The following KIAA1217 variants were observed in gnomAD, a reference collection of about 807,000 sequenced individuals.
KIAA1217 encodes sickle tail protein homolog.
KIAA1217 carries 88 observed loss-of-function variants against 163.9 expected under a neutral mutation model. The ratio of observed to expected loss-of-function variants is 0.54; its 90% confidence interval spans 0.45 to 0.64. The LOEUF (loss-of-function observed/expected upper bound fraction) is 0.64, where lower values mean the gene tolerates loss of function less well. Ranked by LOEUF, KIAA1217 falls within the 30% of genes least tolerant of loss-of-function variation. The pLI, the probability that KIAA1217 is intolerant of heterozygous loss-of-function variation, is 0.00. For missense variants in KIAA1217, 2,372 were observed against 2,475.0 expected (o/e 0.96, Z 0.88); for synonymous variants, 903 against 923.1 (o/e 0.98, Z 0.39).
intron 2 of KIAA1217, among the ~76,000 whole-genome samples, chr10:24,106,148 A>G (rs762830753): frequency 6.6e-6 from 1 of 152,138 alleles, no homozygotes; most frequent in Admixed American, 6.6e-5. Context: ...CCAGGACACA[A>G]GGGTGGCAGG....
chr10:24,177,299 T>G lies in KIAA1217; in HGVS notation c.-170-42327T>G, dbSNP rs7094487. Reference sequence around the variant, plus strand: ...TATATATATATATATATATATATATTACAATTTCTTTGTCATATATATCAC... The same window carrying G: ...TATATATATATATATATATATATATGACAATTTCTTTGTCATATATATCAC... On this transcript the variant is annotated intron_variant, in intron 2 of 18. Coordinates refer to the KIAA1217 transcript ENST00000376462. 1.1e-4 allele frequency among the ~76,000 whole-genome samples: 5 copies of G among 46,912 alleles called. 1 individual carries two copies. Among genetic ancestry groups the G allele is most frequent in the East Asian group, 7.2e-4 (1 of 1,392 alleles). 30.8% of individuals were successfully genotyped at this position (46,912 alleles called of 152,430 possible).
chr10:23,747,334 A>G (rs1487460560), intron 1 of KIAA1217, among the ~76,000 whole-genome samples: 1 of 152,170 alleles, frequency 6.6e-6, no homozygotes, highest in Non-Finnish European at 1.5e-5. Context: ...ATGAAGATGG[A>G]GATGCATCTT....
At chr10:23,763,665 A>G (rs1233930826) in intron 1 of KIAA1217, among the ~76,000 whole-genome samples, 3 of 152,224 alleles carry the variant, frequency 2.0e-5, no homozygotes, top group African/African-American at 7.2e-5. Flanking sequence ...AATCTGGACA[A>G]TACCATTCAG....
At chr10:23,696,245 T>C (rs552038980) in intron 1 of KIAA1217, among the ~76,000 whole-genome samples, 31 of 152,214 alleles carry the variant, frequency 2.0e-4, no homozygotes, top group Non-Finnish European at 4.1e-4. Flanking sequence ...GTCAGAGCCC[T>C]GCAGAGGGCA....
intron 2 of KIAA1217, among the ~76,000 whole-genome samples, chr10:24,287,611 G>A (rs2078670078): frequency 6.6e-6 from 1 of 152,158 alleles, no homozygotes; most frequent in South Asian, 2.1e-4. Context: ...ACTTCCTGCT[G>A]TGAGTATGGA....
intron 3 of KIAA1217, among the ~76,000 whole-genome samples, chr10:24,402,102 A>G (rs1195450509): frequency 6.6e-6 from 1 of 152,220 alleles, no homozygotes; most frequent in African/African-American, 2.4e-5. Flanking sequence ...CAGCCAAATG[A>G]AGATGTCACT....
chr10:23,774,108 G>A (rs1388975628), intron 1 of KIAA1217, among the ~76,000 whole-genome samples: 1 of 152,138 alleles, frequency 6.6e-6, no homozygotes, highest in African/African-American at 2.4e-5. Flanking sequence ...GTCATAGATA[G>A]CTCTTATTAT....
At chr10:23,832,446 A>T (rs2131043223) in intron 1 of KIAA1217, among the ~76,000 whole-genome samples, 2 of 152,264 alleles carry the variant, frequency 1.3e-5, no homozygotes, top group Admixed American at 1.3e-4. Context: ...TGGAGACTTC[A>T]TTGCATAAGG....
intron 2 of KIAA1217, among the ~76,000 whole-genome samples, chr10:24,068,938 T>A (rs1049141365): frequency 4.6e-5 from 7 of 152,222 alleles, no homozygotes; most frequent in Non-Finnish European, 1.0e-4. Flanking sequence ...CCCTCAGGCA[T>A]GTAGAATTAT....
At chr10:24,254,032 G>A (rs1195177067) in intron 2 of KIAA1217, among the ~76,000 whole-genome samples, 2 of 152,168 alleles carry the variant, frequency 1.3e-5, no homozygotes, top group African/African-American at 4.8e-5. Context: ...GCATCCCTGA[G>A]TTCGGGTTAC....
At chr10:23,753,554 A>G (rs1480544617) in intron 1 of KIAA1217, among the ~76,000 whole-genome samples, 1 of 152,194 alleles carries the variant, frequency 6.6e-6, no homozygotes. Flanking sequence ...ACTGTGTTCA[A>G]TTGGGTTGAC....
At chr10:24,015,967 C>A (rs1847463467) in intron 2 of KIAA1217, among the ~76,000 whole-genome samples, 1 of 151,822 alleles carries the variant, frequency 6.6e-6, no homozygotes, top group African/African-American at 2.4e-5. Flanking sequence ...GTTTAAACTT[C>A]CCAGTATGTT....
intron 2 of KIAA1217, among the ~76,000 whole-genome samples, chr10:24,172,862 G>T (rs1286997996): frequency 6.6e-6 from 1 of 152,230 alleles, no homozygotes; most frequent in East Asian, 1.9e-4. Context: ...GCTCTTGACT[G>T]TCTGGCTCAT....
chr10:24,260,437 A>G (rs778676321), intron 2 of KIAA1217, among the ~76,000 whole-genome samples: 6 of 152,066 alleles, frequency 3.9e-5, no homozygotes, highest in Non-Finnish European at 7.4e-5. Flanking sequence ...CACTATGAAA[A>G]GCACAGACAT....
intron 1 of KIAA1217, among the ~76,000 whole-genome samples, chr10:23,903,133 G>C (rs1207086463): frequency 6.6e-6 from 1 of 152,006 alleles, no homozygotes; most frequent in Admixed American, 6.6e-5. Context: ...CTGGAAATGG[G>C]AATGAAGATA....
At chr10:23,870,394 A>C (rs2131160139) in intron 1 of KIAA1217, among the ~76,000 whole-genome samples, 1 of 152,152 alleles carries the variant, frequency 6.6e-6, no homozygotes, top group African/African-American at 2.4e-5. Flanking sequence ...AGATCTTCTT[A>C]GCCTCTAGGC....
At chr10:24,505,451 A>T (rs1453016923) in intron 9 of KIAA1217, among the ~76,000 whole-genome samples, 1 of 152,048 alleles carries the variant, frequency 6.6e-6, no homozygotes, top group Non-Finnish European at 1.5e-5. Flanking sequence ...CATTTTGAAA[A>T]AAAGCCCACT....
intron 1 of KIAA1217, among the ~76,000 whole-genome samples, chr10:23,728,900 G>T (rs534717561): frequency 2.0e-5 from 3 of 152,250 alleles, no homozygotes; most frequent in Admixed American, 2.0e-4. Flanking sequence ...CACCATTTGT[G>T]GTACCACACA....
At chr10:24,428,415 G>A (rs1000728998) in intron 3 of KIAA1217, among the ~76,000 whole-genome samples, 1 of 152,152 alleles carries the variant, frequency 6.6e-6, no homozygotes, top group South Asian at 2.1e-4. Context: ...AAAGCTGAGG[G>A]TCAACACAGG....
Sources: allele counts gnomAD v4.1 joint callset (sites outside exome capture counted in the v4.1 genomes callset), GRCh38; gene constraint gnomAD v4.1.1; transcripts MANE v1.5; gene names NCBI Gene and HGNC (gene_info 2026-07-23, HGNC 2026-07-21).